Variants in CPED1 observed in about 807,000 individuals in gnomAD.
CPED1 encodes the protein cadherin-like and PC-esterase domain-containing protein 1.
Under a neutral mutation model 128.2 loss-of-function variants are expected in CPED1, and 114 were observed. The observed-to-expected ratio is 0.89, with a 90% CI of 0.76 to 1.04. The LOEUF is 1.04. Among genes scored for constraint, CPED1 ranks in the 50% least tolerant of loss-of-function variants. The pLI is 0.00. For missense variants in CPED1, 1,211 were observed against 1,207.1 expected, an observed-to-expected ratio of 1.00 and a Z score of -0.05; for synonymous variants, 462 against 426.7, an observed-to-expected ratio of 1.08 and a Z score of -1.02.
At chr7:121,211,012 A>G (rs911735657) in intron 16 of CPED1, among the ~76,000 whole-genome samples, 5 of 152,098 alleles carry the variant, frequency 3.3e-5, no homozygotes, top group Non-Finnish European at 7.4e-5. Flanking sequence ...TAGTTGATCT[A>G]CACCATTATT....
chr7:121,265,899 C>A (rs1792111829), intron 18 of CPED1, among the ~76,000 whole-genome samples: 1 of 152,046 alleles, frequency 6.6e-6, no homozygotes, highest in Non-Finnish European at 1.5e-5. Flanking sequence ...TAAAATGCTT[C>A]ATGTCTATTT....
chr7:121,124,611 ATCT>A, intron 8 of CPED1, 138 bp downstream of exon 8: 1 of 568,944 alleles, frequency 1.8e-6, no homozygotes, highest in Non-Finnish European at 2.8e-6. Flanking sequence ...TACAAACATG[ATCT>A]TCTAAACATA....
At chr7:121,130,697 G>A (rs1252802433) in intron 12 of CPED1, among the ~76,000 whole-genome samples, 2 of 151,506 alleles carry the variant, frequency 1.3e-5, no homozygotes, top group African/African-American at 2.4e-5. Context: ...AGTTTTTGAG[G>A]TGTGACTTTT....
intron 2 of CPED1, among the ~76,000 whole-genome samples, chr7:121,015,221 C>T (rs1029948987): frequency 6.6e-6 from 1 of 152,204 alleles, no homozygotes; most frequent in East Asian, 1.9e-4. Context: ...ACCTCGACCC[C>T]TTCCTGACCA....
chr7:121,224,471 A>C (rs916102254), intron 16 of CPED1, among the ~76,000 whole-genome samples: 2 of 152,130 alleles, frequency 1.3e-5, no homozygotes, highest in African/African-American at 4.8e-5. Context: ...GATGTCTGTT[A>C]GTTCTGCTTG....
At chr7:121,183,833 A>T (rs1260590194) in intron 16 of CPED1, among the ~76,000 whole-genome samples, 1 of 152,186 alleles carries the variant, frequency 6.6e-6, no homozygotes, top group African/African-American at 2.4e-5. Flanking sequence ...AAAGATTCAT[A>T]CAATTCACTT....
chr7:121,165,189 A>G (rs1796496616), intron 16 of CPED1, among the ~76,000 whole-genome samples: 1 of 152,208 alleles, frequency 6.6e-6, no homozygotes, highest in South Asian at 2.1e-4. Flanking sequence ...ATCAAGCATC[A>G]GATAAAAGAT....
intron 3 of CPED1, among the ~76,000 whole-genome samples, chr7:121,035,770 C>A (rs1792866450): frequency 6.6e-6 from 1 of 151,882 alleles, no homozygotes; most frequent in Non-Finnish European, 1.5e-5. Flanking sequence ...GAGGTCAAAG[C>A]TGCAGTGAGC....
intron 4 of CPED1, among the ~76,000 whole-genome samples, chr7:121,049,452 C>G (rs1331702859): frequency 6.6e-6 from 1 of 152,222 alleles, no homozygotes; most frequent in Non-Finnish European, 1.5e-5. Context: ...ACCCTCCAAT[C>G]TCTTGCCAGT....
chr7:121,168,451 A>T (rs1477707396), intron 16 of CPED1, among the ~76,000 whole-genome samples: 1 of 152,190 alleles, frequency 6.6e-6, no homozygotes, highest in Non-Finnish European at 1.5e-5. Context: ...ATTTTTAAAA[A>T]TTTTTAAATT....
chr7:121,042,597 C>G (rs1269646242), intron 3 of CPED1, among the ~76,000 whole-genome samples: 1 of 152,154 alleles, frequency 6.6e-6, no homozygotes, highest in Non-Finnish European at 1.5e-5. Flanking sequence ...AAGAACATGG[C>G]CACTAGAGCT....
chr7:121,112,889 G>A (rs1795147046), intron 7 of CPED1, among the ~76,000 whole-genome samples: 1 of 152,136 alleles, frequency 6.6e-6, no homozygotes, highest in South Asian at 2.1e-4. Flanking sequence ...CAGCAGGTTT[G>A]GCAGGATGTA....
chr7:121,259,952 G>A (rs900367855), intron 18 of CPED1, among the ~76,000 whole-genome samples: 1 of 151,916 alleles, frequency 6.6e-6, no homozygotes, highest in African/African-American at 2.4e-5. Flanking sequence ...TCAAAGTGTG[G>A]CTAATTTAAA....
intron 2 of CPED1, among the ~76,000 whole-genome samples, chr7:120,995,760 C>T (rs1165760426): frequency 1.3e-5 from 2 of 152,164 alleles, no homozygotes; most frequent in African/African-American, 4.8e-5. Flanking sequence ...TTGCTCCTCA[C>T]CAAATCCATC....
In CPED1 at chr7:121,130,225, G is replaced by A; in HGVS notation, c.1508G>A (p.Trp503Ter). 6.2e-7 allele frequency: 1 copy of A among 1,611,472 alleles called. No individual in the cohort carries two copies. Among genetic ancestry groups the A allele is most frequent in the Non-Finnish European group, 8.5e-7 (1 of 1,178,650 alleles). The change falls in exon 12 of 23, where the codon TGG (tryptophan) becomes TAG (stop). Residue 503 changes from tryptophan to a stop codon, truncating the protein, a stop_gained. Transcript: ENST00000310396. LOFTEE classifies it high-confidence loss of function. The part of the protein sequence containing the change: ...GNPGSVLTQY[W>*]SLLNVFEQFQ... ...CCTGGCTCAGTCCTGACCCAATACT[G>A]GTCTCTTTTAAATGTATTTGAACAA...
chr7:121,239,121 T>G (rs918571643), intron 17 of CPED1, among the ~76,000 whole-genome samples: 1 of 152,182 alleles, frequency 6.6e-6, no homozygotes, highest in Non-Finnish European at 1.5e-5. Context: ...TCCCTCCTAT[T>G]GAAAGAAGTT....
intron 16 of CPED1, chr7:121,195,181 G>A (rs980135996): frequency 6.6e-6 from 1 of 152,088 alleles, no homozygotes; most frequent in African/African-American, 2.4e-5. Context: ...ATAGAAACAT[G>A]TAAGACCCCA....
At chr7:121,037,368 T>C (rs1202419559) in intron 3 of CPED1, among the ~76,000 whole-genome samples, 2 of 152,214 alleles carry the variant, frequency 1.3e-5, no homozygotes, top group Non-Finnish European at 2.9e-5. Flanking sequence ...GCTTTCCAAT[T>C]ATCCCAGCAC....
At position 121,237,270 on chromosome 7, in the gene CPED1, T is replaced by C. The variant is rs1798280577; in HGVS notation, c.2173+439T>C. ...CAGAGAGCCTGACTAGTTTGCATTA[T>C]ACTAATTCATTTGGCACCATAATTT... On this transcript the variant is annotated intron_variant, in intron 17 of 22. Coordinates refer to ENST00000310396, the MANE Select transcript of CPED1 (RefSeq NM_024913.5). Among the ~76,000 whole-genome samples the C allele has an allele frequency of 2.6e-5, 4 of 152,180 alleles. No individual in the cohort carries two copies. The South Asian group carries it at 8.3e-4, about 31-fold the overall frequency.
Sources: gnomAD v4.1 joint callset for allele counts (sites outside exome capture counted in the v4.1 genomes callset) on GRCh38, gnomAD v4.1.1 for gene constraint, MANE v1.5 for transcripts, NCBI Gene and HGNC (gene_info 2026-07-23, HGNC 2026-07-21) for gene names.